The following GPLD1 variants were observed in gnomAD, a reference collection of about 807,000 sequenced individuals.
GPLD1 encodes glycosylphosphatidylinositol specific phospholipase D1, also known as phosphatidylinositol-glycan-specific phospholipase D.
In GPLD1, 84 loss-of-function variants were observed where a neutral mutation model predicts 112.6. The observed-to-expected ratio is 0.75, with a 90% confidence interval of 0.63 to 0.89. The LOEUF is 0.89. Among genes scored for constraint, GPLD1 ranks in the 40% least tolerant of loss-of-function variants. GPLD1 has a pLI of 0.00. For missense variants in GPLD1, 1,044 were observed against 1,051.5 expected, an observed-to-expected ratio of 0.99 and a Z score of 0.10; for synonymous variants, 386 against 403.8, an observed-to-expected ratio of 0.96 and a Z score of 0.53.
intron 10 of GPLD1, among the ~76,000 whole-genome samples, chr6:24,465,724 T>C (rs1763584214): frequency 6.6e-6 from 1 of 150,854 alleles, no homozygotes; most frequent in African/African-American, 2.4e-5. Context: ...CGGCTGAGTT[T>C]CTGATTAATT....
intron 2 of GPLD1, among the ~76,000 whole-genome samples, chr6:24,485,435 AGAG>A (rs2127371430): frequency 6.6e-6 from 1 of 152,278 alleles, no homozygotes; most frequent in African/African-American, 2.4e-5. Flanking sequence ...GGAATGATAC[AGAG>A]AAGATTAGCA....
Position 24,433,483 on chromosome 6 carries a change from A to C in GPLD1, c.2359-94T>G, listed in dbSNP as rs796669127. 1.7e-4 allele frequency: 85 copies of C among 508,980 alleles called. No homozygotes were observed. In the East Asian group the frequency reaches 2.8e-3, roughly 17 times the overall value. 31.5% of individuals were successfully genotyped at this position (508,980 alleles called of 1,614,324 possible). A position where few individuals can be genotyped will look rare whatever the true frequency, so the allele number is the denominator to read the frequency against. On this transcript the variant is annotated intron_variant, in intron 22 of 24. Transcript: ENST00000230036. The stretch of plus-strand genomic sequence containing the variant: ...ATTATACCCTTATACCCTCATTTCT[A>C]CTTTTTTTTTTTTTTTTTTTTTTTT...
chr6:24,457,679 G>C (rs987435093), intron 12 of GPLD1, among the ~76,000 whole-genome samples: 1 of 151,928 alleles, frequency 6.6e-6, no homozygotes, highest in Admixed American at 6.6e-5. Context: ...TCAGGAGTTC[G>C]AGACCAGCCT....
downstream of GPLD1, chr6:24,425,708 A>G (rs1762213066): frequency 6.6e-6 from 1 of 152,214 alleles, no homozygotes; most frequent in Admixed American, 6.5e-5. Flanking sequence ...TCGCCTGTCA[A>G]ACACATCAAG....
At position 24,454,304 on chromosome 6, in the gene GPLD1, C is replaced by T. The variant is rs1346837502; in HGVS notation, c.1149-103G>A. 3 of 754,726 alleles carry T rather than the reference C, an allele frequency of 4.0e-6. No individual in the cohort carries two copies. In the East Asian group the frequency reaches 9.0e-5, roughly 23 times the overall value. The allele number at this position is 754,726 out of a possible 1,614,324, so 46.8% of individuals were successfully genotyped here. A position where few individuals can be genotyped will look rare whatever the true frequency, so the allele number is the denominator to read the frequency against. On this transcript the variant is annotated intron_variant, in intron 13 of 24. Coordinates refer to ENST00000230036, the MANE Select transcript of GPLD1 (RefSeq NM_001503.4). ...AGAGCCCAGTCCATTAACTTTCTCT[C>T]ACTGACTTTTCCACCCTGCGTGACT...
chr6:24,433,241 T>C lies in GPLD1; in HGVS notation c.2386-4A>G. On this transcript the variant is annotated splice_region_variant and splice_polypyrimidine_tract_variant and intron_variant, in intron 23 of 24. Transcript: ENST00000230036. ...AGCTCCCAAACCTTGAGCTGGCCTG[T>C]AAAACATGCCGTCTGTTAATGGGCT... The C allele has an allele frequency of 6.2e-7, 1 of 1,612,704 alleles. No individual in the cohort carries two copies. Among genetic ancestry groups the C allele is most frequent in the Non-Finnish European group, 8.5e-7 (1 of 1,178,678 alleles).
chr6:24,435,836 A>AAAAAATAAAAAAAAAAAAAAAAAT (rs1762559518), intron 22 of GPLD1: 1 of 146,528 alleles, frequency 6.8e-6, no homozygotes, highest in Non-Finnish European at 1.5e-5. Flanking sequence ...AAAAAAAAAA[A>AAAAAATAAAAAAAAAAAAAAAAAT]AAAAAAAAAA....
At chr6:24,460,001 C>A (rs979263850) in intron 12 of GPLD1, among the ~76,000 whole-genome samples, 4 of 152,176 alleles carry the variant, frequency 2.6e-5, no homozygotes, top group Admixed American at 6.5e-5. Flanking sequence ...TGGGCTCAAG[C>A]AATCCTCCTG....
Position 24,466,666 on chromosome 6 carries a change from CA to C in GPLD1, c.821+13del. ...CAGAGAGTGATTGGTAATAGAAATG[CA>C]ATATGAATTCACCTGGTCCCATTCT... is the stretch of plus-strand genomic sequence containing the variant. On this transcript the variant is annotated intron_variant, in intron 10 of 24. Transcript: ENST00000230036. 4 of 1,605,542 alleles carry C rather than the reference CA, an allele frequency of 2.5e-6. No individual in the cohort carries two copies. The highest frequency in any genetic ancestry group is 3.4e-6 in the Non-Finnish European group (4 of 1,173,392).
intron 1 of GPLD1, among the ~76,000 whole-genome samples, chr6:24,488,173 C>T (rs1235131406): frequency 4.6e-5 from 7 of 151,892 alleles, no homozygotes; most frequent in African/African-American, 7.3e-5. Flanking sequence ...TTTGGGAGGC[C>T]GAGGCAGGCG....
chr6:24,440,723 TAAA>T (rs34313464), intron 20 of GPLD1, among the ~76,000 whole-genome samples: 76 of 139,680 alleles, frequency 5.4e-4, no homozygotes, highest in South Asian at 6.8e-4. Context: ...CTCCAACTAT[TAAA>T]AAAAAAAAAA....
At chr6:24,443,954 G>A (rs1482399007) in intron 20 of GPLD1, among the ~76,000 whole-genome samples, 3 of 152,118 alleles carry the variant, frequency 2.0e-5, no homozygotes, top group East Asian at 1.9e-4. Context: ...GATTACAGGC[G>A]TGAGCCACTG....
chr6:24,449,930 C>A, intron 14 of GPLD1, 31 bp from the exon 15 acceptor site: 1 of 1,501,280 alleles, frequency 6.7e-7, no homozygotes, highest in Non-Finnish European at 9.1e-7. Context: ...TTCCCCTGGG[C>A]TGAGCCACGG....
At position 24,427,176 on chromosome 6, in the gene GPLD1, T is replaced by C. The variant is rs1762264060; in HGVS notation, c.*1856A>G. ...ACTGTTTACAGATAATGCCCGCTAA[T>C]GTTTACTGAAACTGAAACCCTATGA... On this transcript the variant is annotated 3_prime_UTR_variant, in exon 25 of 25. Transcript: ENST00000230036. 6.6e-6 allele frequency among the ~76,000 whole-genome samples: 1 copy of C among 152,250 alleles called. No homozygotes were observed. The highest frequency in any genetic ancestry group is 2.4e-5 in the African/African-American group (1 of 41,470).
intron 24 of GPLD1, among the ~76,000 whole-genome samples, chr6:24,430,983 T>C (rs1762383590): frequency 6.6e-6 from 1 of 152,234 alleles, no homozygotes; most frequent in African/African-American, 2.4e-5. Flanking sequence ...TTGATATATG[T>C]ATAGTTTTAT....
chr6:24,456,549 GA>G lies in GPLD1; in HGVS notation c.1096del (p.Ser366ProfsTer4). 6.2e-7 allele frequency: 1 copy of G among 1,610,322 alleles called. No individual in the cohort carries two copies. The highest frequency in any genetic ancestry group is 8.5e-7 in the Non-Finnish European group (1 of 1,176,684). On this transcript the variant is annotated frameshift_variant, in exon 13 of 25. Transcript: ENST00000230036. LOFTEE classifies it high-confidence loss of function. ...GGSQLSQKHVSSPLASYFLSF... is the reference protein window; with the variant it reads ...GGSQLSQKHVXSPLASYFLSF... Reference sequence around the variant, plus strand: ...CAAGAAGTAAGATGCTAAGGGGCTGGAGACGTGCTTTTGTGACAACTGAGAG... The same window carrying G: ...CAAGAAGTAAGATGCTAAGGGGCTGGGACGTGCTTTTGTGACAACTGAGAG...
At chr6:24,453,814 G>A (rs1418404391) in intron 14 of GPLD1, among the ~76,000 whole-genome samples, 1 of 151,926 alleles carries the variant, frequency 6.6e-6, no homozygotes, top group Non-Finnish European at 1.5e-5. Flanking sequence ...GTGTGTTTTT[G>A]GAAGGTATTA....
At chr6:24,456,135 A>T (rs1763259276) in intron 13 of GPLD1, among the ~76,000 whole-genome samples, 1 of 152,252 alleles carries the variant, frequency 6.6e-6, no homozygotes, top group South Asian at 2.1e-4. Context: ...ACAGTGGCTC[A>T]CACCTGCAAT....
At chr6:24,449,954 A>G in intron 14 of GPLD1, 55 bp from the exon 15 acceptor site, 1 of 1,254,400 alleles carries the variant, frequency 8.0e-7, no homozygotes, top group Non-Finnish European at 1.2e-6. Flanking sequence ...CGGAAAGAGC[A>G]CTCCTGACCC....
Sources: allele counts gnomAD v4.1 joint callset (sites outside exome capture counted in the v4.1 genomes callset), GRCh38; gene constraint gnomAD v4.1.1; transcripts MANE v1.5; gene names NCBI Gene and HGNC (gene_info 2026-07-23, HGNC 2026-07-21).